Variants in SEMA6D observed in about 807,000 individuals in gnomAD.
The protein encoded by SEMA6D is semaphorin 6D.
SEMA6D carries 35 observed loss-of-function variants against 106.6 expected under a neutral mutation model. That is an observed-to-expected ratio of 0.33 (90% CI 0.25 to 0.44). The LOEUF (loss-of-function observed/expected upper bound fraction) is 0.44, where lower values mean the gene tolerates loss of function less well. Ranked by LOEUF, SEMA6D falls within the 20% of genes least tolerant of loss-of-function variation. The pLI is 1.00. For synonymous variants in SEMA6D, 499 were observed against 487.7 expected (o/e 1.02, Z -0.31); for missense variants, 1,185 against 1,345.9 (o/e 0.88, Z 1.87).
At chr15:47,495,163 C>T (rs748940997) in intron 3 of SEMA6D, among the ~76,000 whole-genome samples, 15 of 151,672 alleles carry the variant, frequency 9.9e-5, no homozygotes, top group South Asian at 2.1e-4. Flanking sequence ...AACTGGAAGT[C>T]GTTCTTATGG....
chr15:47,613,162 T>C (rs1296636530), intron 4 of SEMA6D, among the ~76,000 whole-genome samples: 1 of 152,170 alleles, frequency 6.6e-6, no homozygotes, highest in Non-Finnish European at 1.5e-5. Flanking sequence ...TGAGAAAGCC[T>C]CTACCCCCAC....
intron 1 of SEMA6D, among the ~76,000 whole-genome samples, chr15:47,403,582 C>T (rs554127690): frequency 2.4e-4 from 36 of 152,210 alleles, no homozygotes; most frequent in African/African-American, 5.8e-4. Flanking sequence ...GTGATGAATG[C>T]GCAAACAAAG....
At chr15:47,742,768 C>T (rs574786063) in intron 1 of SEMA6D, among the ~76,000 whole-genome samples, 12 of 152,292 alleles carry the variant, frequency 7.9e-5, no homozygotes, top group South Asian at 6.2e-4. Flanking sequence ...CCTGCTAGAA[C>T]GCCTTTCTTA....
At chr15:47,239,652 A>G (rs2032782198) in intron 1 of SEMA6D, among the ~76,000 whole-genome samples, 1 of 152,178 alleles carries the variant, frequency 6.6e-6, no homozygotes, top group African/African-American at 2.4e-5. Context: ...CTGAGTGTAG[A>G]GCAGTGTGTA....
At chr15:47,380,138 A>G (rs1399366621) in intron 1 of SEMA6D, among the ~76,000 whole-genome samples, 2 of 152,206 alleles carry the variant, frequency 1.3e-5, no homozygotes. Context: ...TTGATTGGGT[A>G]ATTAAAACTA....
intron 2 of SEMA6D, among the ~76,000 whole-genome samples, chr15:47,436,077 A>G (rs2041690439): frequency 6.6e-6 from 1 of 151,974 alleles, no homozygotes; most frequent in Non-Finnish European, 1.5e-5. Context: ...ACCATATTAG[A>G]TATGTAGCAC....
At chr15:47,552,879 TAA>T (rs1246217287) in intron 3 of SEMA6D, among the ~76,000 whole-genome samples, 8 of 5,042 alleles carry the variant, frequency 1.6e-3, no homozygotes, top group Admixed American at 3.0e-3. Context: ...TATATATATA[TAA>T]ATATATATAA....
chr15:47,708,380 TGTTAGA>T (rs955630866), intron 4 of SEMA6D, among the ~76,000 whole-genome samples: 8 of 152,198 alleles, frequency 5.3e-5, no homozygotes, highest in Admixed American at 3.9e-4. Context: ...AAAGTACCTC[TGTTAGA>T]GTTTCTACCT....
intron 1 of SEMA6D, among the ~76,000 whole-genome samples, chr15:47,326,271 TA>T (rs1479981505): frequency 2.0e-5 from 3 of 152,228 alleles, no homozygotes; most frequent in Non-Finnish European, 4.4e-5. Context: ...AATGTTATAA[TA>T]AATGCTATTT....
chr15:47,545,990 A>C (rs2045510396), intron 3 of SEMA6D, among the ~76,000 whole-genome samples: 1 of 152,146 alleles, frequency 6.6e-6, no homozygotes, highest in Non-Finnish European at 1.5e-5. Context: ...ACATGAGATT[A>C]AGTACTGCCT....
chr15:47,531,758 C>T (rs1002971029), intron 3 of SEMA6D, among the ~76,000 whole-genome samples: 7 of 152,140 alleles, frequency 4.6e-5, no homozygotes, highest in African/African-American at 1.7e-4. Context: ...CTGATTCCAG[C>T]CTGCCTTCTC....
At chr15:47,251,148 C>A (rs892830081) in intron 1 of SEMA6D, among the ~76,000 whole-genome samples, 6 of 152,114 alleles carry the variant, frequency 3.9e-5, no homozygotes, top group African/African-American at 1.4e-4. Context: ...TAGTCAGAAG[C>A]CTTTCCTTTA....
Position 47,184,537 on chromosome 15 carries a change from C to G in SEMA6D, c.-239+119C>G, listed in dbSNP as rs11635098. 4 of 152,340 alleles carry G rather than the reference C, an allele frequency of 2.6e-5. No homozygotes were observed. In the East Asian group the frequency reaches 7.8e-4, roughly 30 times the overall value. The allele number at this position is 152,340 out of a possible 1,614,324, so 9.4% of individuals were successfully genotyped here. On this transcript the variant is annotated intron_variant, in intron 1 of 19. Coordinates refer to the SEMA6D transcript ENST00000558014. ...GCGCACCGGGGAGCTCTGGCGGCGT[C>G]CAGGATGCTCCAGCCTCCCGGCGCG...
chr15:47,339,881 A>C (rs1020949811), intron 1 of SEMA6D, among the ~76,000 whole-genome samples: 3 of 151,656 alleles, frequency 2.0e-5, no homozygotes, highest in Non-Finnish European at 4.4e-5. Flanking sequence ...AGAAGGAAAG[A>C]GAGAGAGAAA....
At chr15:47,334,670 C>T (rs2037478856) in intron 1 of SEMA6D, among the ~76,000 whole-genome samples, 1 of 152,048 alleles carries the variant, frequency 6.6e-6, no homozygotes, top group Non-Finnish European at 1.5e-5. Flanking sequence ...GCTAGAAGGG[C>T]CCTGGCCCAC....
At chr15:47,569,459 C>T (rs1166356119) in intron 3 of SEMA6D, among the ~76,000 whole-genome samples, 1 of 152,158 alleles carries the variant, frequency 6.6e-6, no homozygotes, top group East Asian at 1.9e-4. Flanking sequence ...TTAGGTCATT[C>T]CGTGGATCCT....
chr15:47,327,977 G>A (rs916986424), intron 1 of SEMA6D, among the ~76,000 whole-genome samples: 2 of 152,024 alleles, frequency 1.3e-5, no homozygotes, highest in Non-Finnish European at 2.9e-5. Flanking sequence ...TTATAAATAC[G>A]GAAAATGAGG....
chr15:47,514,375 C>T (rs944536246), intron 3 of SEMA6D, among the ~76,000 whole-genome samples: 1 of 152,172 alleles, frequency 6.6e-6, no homozygotes, highest in Non-Finnish European at 1.5e-5. Context: ...ATTCATATCT[C>T]CAGTTCAGCT....
intron 2 of SEMA6D, among the ~76,000 whole-genome samples, chr15:47,435,196 A>G (rs1310293005): frequency 2.6e-5 from 4 of 152,138 alleles, no homozygotes; most frequent in Non-Finnish European, 5.9e-5. Flanking sequence ...AACTTACTTG[A>G]AAACACCATT....
Sources: gnomAD v4.1 joint callset for allele counts (sites outside exome capture counted in the v4.1 genomes callset) on GRCh38, gnomAD v4.1.1 for gene constraint, MANE v1.5 for transcripts, NCBI Gene and HGNC (gene_info 2026-07-23, HGNC 2026-07-21) for gene names.